TBC1D22A: variants seen among roughly 807,000 people sequenced by gnomAD.
The protein encoded by TBC1D22A is putative GTPase activator.
A neutral mutation model predicts 60.2 loss-of-function variants in TBC1D22A; 38 were observed. The ratio of observed to expected loss-of-function variants is 0.63; its 90% CI spans 0.49 to 0.83. The LOEUF (loss-of-function observed/expected upper bound fraction) is 0.83, where lower values mean the gene tolerates loss of function less well. TBC1D22A is among the 40% of genes least tolerant of loss of function. The probability of loss-of-function intolerance (pLI) is 0.00; values close to 1 mark genes in which losing one functional copy is unlikely to be tolerated. For missense variants in TBC1D22A, 628 were observed against 701.0 expected (o/e 0.90, Z 1.18); for synonymous variants, 302 against 281.7 (o/e 1.07, Z -0.72).
chr22:46,861,351 T>C (rs2087874439), intron 4 of TBC1D22A, among the ~76,000 whole-genome samples: 1 of 152,230 alleles, frequency 6.6e-6, no homozygotes, highest in African/African-American at 2.4e-5. Context: ...TTTTAAAACA[T>C]TCATCTTTTC....
chr22:46,944,645 A>G (rs575886146), intron 8 of TBC1D22A, among the ~76,000 whole-genome samples: 16 of 152,256 alleles, frequency 1.1e-4, no homozygotes, highest in South Asian at 8.3e-4. Context: ...TAATCTGCCC[A>G]CCTTGGCCTC....
At chr22:46,818,144 A>G (rs558263046) in intron 4 of TBC1D22A, among the ~76,000 whole-genome samples, 113 of 152,328 alleles carry the variant, frequency 7.4e-4, no homozygotes, top group African/African-American at 2.5e-3. Context: ...GATTCTGGAT[A>G]TTAGACCTTT....
intron 7 of TBC1D22A, among the ~76,000 whole-genome samples, chr22:46,897,588 C>T (rs1412673717): frequency 6.6e-6 from 1 of 150,392 alleles, no homozygotes; most frequent in African/African-American, 2.5e-5. Context: ...AGCCTCTGGT[C>T]CTTTTGTTAC....
intron 4 of TBC1D22A, among the ~76,000 whole-genome samples, chr22:46,828,332 CA>C (rs1297082101): frequency 1.3e-5 from 2 of 152,240 alleles, no homozygotes; most frequent in East Asian, 3.8e-4. Flanking sequence ...ATTGAAAAGG[CA>C]AGAAGCCTTT....
chr22:46,768,601 A>G (rs2083379194), intron 1 of TBC1D22A, among the ~76,000 whole-genome samples: 1 of 151,658 alleles, frequency 6.6e-6, no homozygotes, highest in Admixed American at 6.6e-5. Context: ...TGCTTTCCGC[A>G]GTTGCAGTTG....
chr22:46,762,770 A>G lies in TBC1D22A; in HGVS notation c.-17A>G, dbSNP rs1241814208. On this transcript the variant is annotated 5_prime_UTR_variant, in exon 1 of 13. Transcript: ENST00000337137. ...TCGGGGTGTCTGGGCCGCGGGTCTG[A>G]GGGATGAGGAGGGGCCATGGCCAGC... The G allele has an allele frequency of 7.0e-7, 1 of 1,432,722 alleles. No individual in the cohort carries two copies. The highest frequency in any genetic ancestry group is 9.1e-7 in the Non-Finnish European group (1 of 1,098,754). The allele number at this position is 1,432,722 out of a possible 1,614,324, so 88.8% of individuals were successfully genotyped here.
At chr22:46,764,074 A>G (rs2083202680) in intron 1 of TBC1D22A, 1 of 152,232 alleles carries the variant, frequency 6.6e-6, no homozygotes, top group Non-Finnish European at 1.5e-5. Context: ...ATCCTGGGCA[A>G]TAAGAGCGAA....
chr22:47,151,030 G>A (rs1251430648), intron 12 of TBC1D22A, among the ~76,000 whole-genome samples: 2 of 152,166 alleles, frequency 1.3e-5, no homozygotes, highest in African/African-American at 4.8e-5. Flanking sequence ...GGGCCATGGG[G>A]TCTCAGAGAG....
At chr22:46,861,274 T>C (rs1398153874) in intron 4 of TBC1D22A, among the ~76,000 whole-genome samples, 2 of 152,166 alleles carry the variant, frequency 1.3e-5, no homozygotes, top group African/African-American at 4.8e-5. Context: ...TCACGTAAAA[T>C]GACTTAACAG....
At chr22:47,171,386 T>G (rs1289448122) in intron 12 of TBC1D22A, among the ~76,000 whole-genome samples, 4 of 151,994 alleles carry the variant, frequency 2.6e-5, no homozygotes, top group African/African-American at 9.7e-5. Context: ...GGATCCAGCT[T>G]CTGTTTGGGG....
chr22:46,771,568 T>G (rs920459965), intron 1 of TBC1D22A, among the ~76,000 whole-genome samples: 3 of 152,010 alleles, frequency 2.0e-5, no homozygotes, highest in Non-Finnish European at 2.9e-5. Context: ...CTTATGACTT[T>G]GCATCCTCAT....
intron 12 of TBC1D22A, among the ~76,000 whole-genome samples, chr22:47,113,529 C>T (rs2065923904): frequency 6.6e-6 from 1 of 152,186 alleles, no homozygotes; most frequent in African/African-American, 2.4e-5. Flanking sequence ...TCACCCTGGG[C>T]CCCACTCTGG....
chr22:46,869,612 G>C (rs540791630), intron 4 of TBC1D22A, among the ~76,000 whole-genome samples: 30 of 152,330 alleles, frequency 2.0e-4, no homozygotes, highest in African/African-American at 6.0e-4. Context: ...CCTGTGTGTG[G>C]CTTTAGGAAC....
intron 4 of TBC1D22A, among the ~76,000 whole-genome samples, chr22:46,866,477 A>G (rs114455588): frequency 0.014 from 2,190 of 152,324 alleles, 51 homozygotes; most frequent in African/African-American, 0.05. Flanking sequence ...CCACTTAATG[A>G]TACACCTGTC....
chr22:46,984,351 A>AACC (rs1384245110), intron 9 of TBC1D22A, among the ~76,000 whole-genome samples: 2 of 134,330 alleles, frequency 1.5e-5, no homozygotes, highest in Non-Finnish European at 3.1e-5. Context: ...GGGGCGACAG[A>AACC]ACCAGACTCC....
chr22:46,850,750 G>T (rs2087236195), intron 4 of TBC1D22A, among the ~76,000 whole-genome samples: 1 of 152,170 alleles, frequency 6.6e-6, no homozygotes, highest in Non-Finnish European at 1.5e-5. Context: ...GTACATGAAT[G>T]TTTATAGCAG....
chr22:47,110,051 C>T (rs1008116291), intron 11 of TBC1D22A, among the ~76,000 whole-genome samples: 1 of 152,202 alleles, frequency 6.6e-6, no homozygotes, highest in Non-Finnish European at 1.5e-5. Flanking sequence ...CCTGCCATTG[C>T]TTGCCTCTGC....
intron 11 of TBC1D22A, among the ~76,000 whole-genome samples, chr22:47,059,349 G>A (rs962007939): frequency 3.9e-5 from 6 of 152,250 alleles, no homozygotes; most frequent in African/African-American, 1.4e-4. Flanking sequence ...GCAGACAGGA[G>A]GGCGTTGCAC....
At chr22:46,950,982 G>A (rs901460490) in intron 8 of TBC1D22A, among the ~76,000 whole-genome samples, 1 of 152,184 alleles carries the variant, frequency 6.6e-6, no homozygotes, top group Admixed American at 6.5e-5. Flanking sequence ...TGAAATACGT[G>A]TGTGAGTCTG....
Sources: gnomAD v4.1 joint callset for allele counts (sites outside exome capture counted in the v4.1 genomes callset) on GRCh38, gnomAD v4.1.1 for gene constraint, MANE v1.5 for transcripts, NCBI Gene and HGNC (gene_info 2026-07-23, HGNC 2026-07-21) for gene names.